Variants in BAZ1A observed in about 807,000 individuals in gnomAD.
The protein encoded by BAZ1A is bromodomain adjacent to zinc finger domain 1A.
Under a neutral mutation model 185.2 loss-of-function variants are expected in BAZ1A, and 50 were observed. That is an observed-to-expected ratio of 0.27 (90% confidence interval 0.22 to 0.34). The LOEUF (loss-of-function observed/expected upper bound fraction) is 0.34. Among genes scored for constraint, BAZ1A ranks in the 10% least tolerant of loss-of-function variants. BAZ1A has a pLI of 1.00. For missense variants in BAZ1A, 1,356 were observed against 1,839.9 expected, an observed-to-expected ratio of 0.74 and a Z score of 4.81; for synonymous variants, 571 against 615.6, an observed-to-expected ratio of 0.93 and a Z score of 1.07.
intron 25 of BAZ1A, 40 bp downstream of exon 25, chr14:34,758,664 A>G (rs1566542876): frequency 6.3e-7 from 1 of 1,595,462 alleles, no homozygotes; most frequent in East Asian, 2.2e-5. Flanking sequence ...ACTAAATCAG[A>G]TAATATACAG....
chr14:34,801,232 G>C, intron 7 of BAZ1A, 39 bp from the exon 8 acceptor site: 2 of 1,454,926 alleles, frequency 1.4e-6, no homozygotes, highest in Non-Finnish European at 1.9e-6. Context: ...GGTTCTTATA[G>C]TAAGAATAAA....
chr14:34,873,186 T>A (rs1031638343), intron 2 of BAZ1A, among the ~76,000 whole-genome samples: 1 of 152,192 alleles, frequency 6.6e-6, no homozygotes, highest in Non-Finnish European at 1.5e-5. Context: ...TATTCATTTC[T>A]TAGACAGGTA....
chr14:34,765,395 A>C (rs1878773740), intron 21 of BAZ1A, 127 bp from the exon 22 acceptor site: 1 of 1,207,826 alleles, frequency 8.3e-7, no homozygotes, highest in Non-Finnish European at 1.1e-6. Flanking sequence ...CTTAACAAAA[A>C]GACCATGCTG....
chr14:34,759,418 C>T (rs995935591), intron 24 of BAZ1A, among the ~76,000 whole-genome samples: 5 of 151,818 alleles, frequency 3.3e-5, no homozygotes, highest in African/African-American at 1.2e-4. Context: ...CTCCTGACCT[C>T]GTGATCTCCT....
chr14:34,810,627 AT>A (rs999989012), intron 5 of BAZ1A, among the ~76,000 whole-genome samples: 163 of 146,338 alleles, frequency 1.1e-3, no homozygotes, highest in Admixed American at 1.2e-3. Flanking sequence ...GTCCATTAGG[AT>A]TTTTTTTTTT....
In BAZ1A at chr14:34,816,947, G is replaced by C. The variant is rs939381044; in HGVS notation, c.537-5911C>G. 4.8e-5 allele frequency: 15 copies of C among 310,396 alleles called. No individual in the cohort carries two copies. In the East Asian group the frequency reaches 1.5e-3, roughly 30 times the overall value. 19.2% of individuals were successfully genotyped at this position (310,396 alleles called of 1,614,324 possible). Reference sequence around the variant, plus strand: ...CTTTAAAAATCTATTAGTAATTTTTGAGTGAAAGGAACAATAGCGGACAAT... The same window carrying C: ...CTTTAAAAATCTATTAGTAATTTTTCAGTGAAAGGAACAATAGCGGACAAT... On this transcript the variant is annotated intron_variant, in intron 4 of 26. Transcript: ENST00000360310.
intron 2 of BAZ1A, among the ~76,000 whole-genome samples, chr14:34,865,805 A>G (rs188911702): frequency 8.5e-5 from 13 of 152,338 alleles, no homozygotes; most frequent in Admixed American, 8.5e-4. Flanking sequence ...TATCCTAAGA[A>G]TTCAGAGAAA....
At position 34,765,052 on chromosome 14, in the gene BAZ1A, T is replaced by C. The variant is rs370664036; in HGVS notation, c.3518A>G (p.His1173Arg). ...CTTTGGTCGAACACAGTAGGTATGATGACCCCTATCACAGCCATCACAAAG... is the reference window on the plus strand; with the variant it reads ...CTTTGGTCGAACACAGTAGGTATGACGACCCCTATCACAGCCATCACAAAG... Reference protein sequence around the residue: ...MVLCDGCDRGHHTYCVRPKLK... With the variant: ...MVLCDGCDRGRHTYCVRPKLK... Residue 1173 changes from histidine (H) to arginine (R), a missense_variant, in exon 22 of 27, where the codon CAT becomes CGT. Physicochemically the swap from His to Arg is conservative, Grantham distance 29. Transcript: ENST00000360310. 3 of 1,614,106 alleles carry C rather than the reference T, an allele frequency of 1.9e-6. No homozygotes were observed. The African/African-American group carries it at 4.0e-5, about 22-fold the overall frequency.
intron 3 of BAZ1A, among the ~76,000 whole-genome samples, chr14:34,856,289 C>CTTTTT (rs10707416): frequency 8.2e-5 from 11 of 134,502 alleles, no homozygotes; most frequent in African/African-American, 1.1e-4. Context: ...TCAAGAGCAT[C>CTTTTT]TTTTTTTTTT....
chr14:34,802,854 T>C lies in BAZ1A; in HGVS notation c.861A>G (p.Gln287=). 6.2e-7 allele frequency: 1 copy of C among 1,612,150 alleles called. No homozygotes were observed. Among genetic ancestry groups the C allele is most frequent in the African/African-American group, 1.3e-5 (1 of 74,982 alleles). Residue 287 remains glutamine (Q), a splice_region_variant and synonymous_variant, in exon 7 of 27, where the codon CAA becomes CAG. Transcript: ENST00000360310. ...TAGTTTTAATCAATTCTGTACTTAC[T>C]TGACTAATATGTATTCGTTTGGGAG... is the stretch of plus-strand genomic sequence containing the variant. ...GRPPKRIHIS[Q]EDNVANKQTL...
Position 34,862,096 on chromosome 14 carries a change from C to T in BAZ1A, c.340G>A (p.Asp114Asn). 1 of 1,614,190 alleles carries T rather than the reference C, an allele frequency of 6.2e-7. No individual in the cohort carries two copies. The change falls in exon 3 of 27, where the codon GAT becomes AAT. Residue 114 changes from aspartate to asparagine, a missense_variant. By Grantham distance (23) the Asp-to-Asn change is conservative. Around this residue, in one of 7 missense-constraint regions of BAZ1A, gnomAD observed 332 missense variants for 395.3 expected, o/e 0.84. Transcript: ENST00000360310. Reference sequence around the variant, plus strand: ...ACAGTTTCTTCGACAAAATATCGATCCTTGACATATGCAAAGATATCATCA... The same window carrying T: ...ACAGTTTCTTCGACAAAATATCGATTCTTGACATATGCAAAGATATCATCA... ...ICDDIFAYVKDRYFVEETVEV... is the reference protein window; with the variant it reads ...ICDDIFAYVKNRYFVEETVEV...
At chr14:34,788,167 G>A (rs932786054) in intron 12 of BAZ1A, among the ~76,000 whole-genome samples, 5 of 151,852 alleles carry the variant, frequency 3.3e-5, no homozygotes, top group African/African-American at 4.8e-5. Context: ...ACAGGCACCC[G>A]CCACCACGCC....
At chr14:34,797,813 G>GAGGGCGAGACGAAGC (rs1555340547) in intron 9 of BAZ1A, among the ~76,000 whole-genome samples, 1 of 152,158 alleles carries the variant, frequency 6.6e-6, no homozygotes, top group Non-Finnish European at 1.5e-5. Flanking sequence ...GGTGCCCATG[G>GAGGGCGAGACGAAGC]AGGGCGAGCC....
Position 34,874,044 on chromosome 14 carries a change from G to A in BAZ1A, c.113+448C>T, listed in dbSNP as rs952579822. The stretch of plus-strand genomic sequence containing the variant: ...CAGTCGTTTCCTGCCCACCGGGGCA[G>A]GAATTCCCTTCCCCGGCCCAGGGAC... On this transcript the variant is annotated intron_variant, in intron 2 of 26. Coordinates refer to ENST00000360310, the MANE Select transcript of BAZ1A (RefSeq NM_013448.3). The surrounding 1 kb of genome is among the most constrained non-coding windows in gnomAD (Gnocchi z 4.7). Among the ~76,000 whole-genome samples, 2 of 152,182 alleles carry A rather than the reference G, an allele frequency of 1.3e-5. No individual in the cohort carries two copies. Among genetic ancestry groups the A allele is most frequent in the African/African-American group, 2.4e-5 (1 of 41,458 alleles).
chr14:34,799,187 G>A (rs1881367330), intron 9 of BAZ1A, among the ~76,000 whole-genome samples: 2 of 134,168 alleles, frequency 1.5e-5, no homozygotes, highest in African/African-American at 5.7e-5. Context: ...TGAACAATGA[G>A]AACACTTGGA....
At chr14:34,800,120 GTGAA>G (rs1594853592) in intron 9 of BAZ1A, 100 bp downstream of exon 9, 1 of 1,105,858 alleles carries the variant, frequency 9.0e-7, no homozygotes, top group East Asian at 2.9e-5. Context: ...ATTCATAAAT[GTGAA>G]TGAAAGTAGT....
At chr14:34,862,976 T>C (rs2042794072) in intron 2 of BAZ1A, among the ~76,000 whole-genome samples, 1 of 145,946 alleles carries the variant, frequency 6.9e-6, no homozygotes, top group Admixed American at 7.0e-5. Context: ...TCAAAAACTC[T>C]ATCCACTCTC....
At chr14:34,787,221 C>T (rs1484668970) in intron 12 of BAZ1A, among the ~76,000 whole-genome samples, 7 of 150,480 alleles carry the variant, frequency 4.7e-5, no homozygotes, top group Middle Eastern at 3.4e-3. Context: ...GGTGTGGTGG[C>T]GCATGCCTGT....
intron 3 of BAZ1A, among the ~76,000 whole-genome samples, chr14:34,846,870 G>A (rs2042520689): frequency 1.3e-5 from 2 of 151,778 alleles, no homozygotes; most frequent in Admixed American, 1.3e-4. Context: ...TGCACATCCT[G>A]CACACGTACC....
Sources: gnomAD v4.1 joint callset for allele counts (sites outside exome capture counted in the v4.1 genomes callset) on GRCh38, gnomAD v4.1.1 for gene constraint, gnomAD v4.1.1 regional missense constraint, Gnocchi (gnomAD v3.1) non-coding constraint, MANE v1.5 for transcripts, NCBI Gene and HGNC (gene_info 2026-07-23, HGNC 2026-07-21) for gene names.